FBXL2: variants seen among roughly 807,000 people sequenced by gnomAD.
FBXL2 encodes F-box and leucine rich repeat protein 2.
In FBXL2, 38 loss-of-function variants were observed where a neutral mutation model predicts 69.2. That is an observed-to-expected ratio of 0.55 (90% confidence interval 0.42 to 0.72). FBXL2 has a LOEUF of 0.72. Among genes scored for constraint, FBXL2 ranks in the 30% least tolerant of loss-of-function variants. The pLI, the probability that FBXL2 is intolerant of heterozygous loss-of-function variation, is 0.00. For synonymous variants in FBXL2, 192 were observed against 201.3 expected (o/e 0.95, Z 0.39); for missense variants, 354 against 520.3 (o/e 0.68, Z 3.11).
At chr3:33,344,670 G>A (rs66968157) in intron 2 of FBXL2, among the ~76,000 whole-genome samples, 39,512 of 151,934 alleles carry the variant, frequency 0.26, 5,810 homozygotes, top group East Asian at 0.46. Context: ...GCATCAATTG[G>A]AAGGAAATAA....
intron 1 of FBXL2, among the ~76,000 whole-genome samples, chr3:33,279,618 A>G (rs2033745626): frequency 6.6e-6 from 1 of 152,154 alleles, no homozygotes. Context: ...TTGAATCTAA[A>G]CAAAACTTTA....
chr3:33,374,959 G>A (rs1005114049), intron 9 of FBXL2, among the ~76,000 whole-genome samples: 4 of 152,048 alleles, frequency 2.6e-5, no homozygotes, highest in Non-Finnish European at 5.9e-5. Flanking sequence ...TAAATTATGA[G>A]TTTATAAATT....
At chr3:33,350,928 T>G (rs1179398226) in intron 2 of FBXL2, among the ~76,000 whole-genome samples, 2 of 152,074 alleles carry the variant, frequency 1.3e-5, no homozygotes, top group Non-Finnish European at 2.9e-5. Context: ...ATTGCCCATG[T>G]CATGAAACCC....
At chr3:33,303,178 G>C in intron 2 of FBXL2, 1 of 456,450 alleles carries the variant, frequency 2.2e-6, no homozygotes, top group South Asian at 1.5e-5. Flanking sequence ...GCTCTTTTGG[G>C]GGTACATGCT....
chr3:33,401,168 G>C (rs1222821688), intron 12 of FBXL2: 1 of 625,816 alleles, frequency 1.6e-6, no homozygotes, highest in East Asian at 3.2e-5. Flanking sequence ...AAATGCAAGC[G>C]CAACAGCTTA....
chr3:33,358,576 A>G (rs1559599930), intron 2 of FBXL2, among the ~76,000 whole-genome samples: 1 of 152,194 alleles, frequency 6.6e-6, no homozygotes, highest in South Asian at 2.1e-4. Flanking sequence ...GGGCTTTGTC[A>G]TCAAGCTTTT....
the FBXL2 span, among the ~76,000 whole-genome samples, chr3:33,412,387 G>A: frequency 6.6e-6 from 1 of 151,772 alleles, no homozygotes; most frequent in Non-Finnish European, 1.5e-5. Context: ...ATATATGTAT[G>A]TGTGTGCGTA....
downstream of FBXL2, among the ~76,000 whole-genome samples, chr3:33,404,014 G>C (rs1260790388): frequency 6.6e-6 from 1 of 152,110 alleles, no homozygotes; most frequent in Non-Finnish European, 1.5e-5. Flanking sequence ...GGGAGGCCAA[G>C]GCGGTAGCCC....
intron 2 of FBXL2, among the ~76,000 whole-genome samples, chr3:33,303,428 C>A (rs2036456110): frequency 6.6e-6 from 1 of 151,988 alleles, no homozygotes; most frequent in Non-Finnish European, 1.5e-5. Context: ...AGCAAATTTT[C>A]TTTAGTCTAG....
chr3:33,408,205 A>G (rs997162143), downstream of FBXL2, among the ~76,000 whole-genome samples: 1 of 152,202 alleles, frequency 6.6e-6, no homozygotes, highest in African/African-American at 2.4e-5. Context: ...AAAATGTAAC[A>G]AAGAACTGCA....
chr3:33,362,202 C>T (rs770499404), intron 4 of FBXL2, among the ~76,000 whole-genome samples: 12 of 152,128 alleles, frequency 7.9e-5, no homozygotes, highest in Non-Finnish European at 1.2e-4. Context: ...TTCCTGAATA[C>T]GTGTAGTTTA....
At chr3:33,342,186 T>C (rs1366172577) in intron 2 of FBXL2, among the ~76,000 whole-genome samples, 1 of 151,354 alleles carries the variant, frequency 6.6e-6, no homozygotes, top group East Asian at 2.0e-4. Flanking sequence ...TTGTATTTTT[T>C]AGTAGAGACG....
intron 12 of FBXL2, chr3:33,393,142 G>T: frequency 1.4e-6 from 1 of 718,786 alleles, no homozygotes; most frequent in Non-Finnish European, 2.1e-6. Context: ...ATTATCACTA[G>T]GATGCCTGAA....
At chr3:33,286,089 G>A (rs1315493290) in intron 1 of FBXL2, among the ~76,000 whole-genome samples, 2 of 152,184 alleles carry the variant, frequency 1.3e-5, no homozygotes, top group Non-Finnish European at 2.9e-5. Flanking sequence ...AAGGAGCTGT[G>A]TTCCTTTGGA....
At chr3:33,342,453 G>A (rs2040105019) in intron 2 of FBXL2, among the ~76,000 whole-genome samples, 1 of 151,212 alleles carries the variant, frequency 6.6e-6, no homozygotes, top group Non-Finnish European at 1.5e-5. Flanking sequence ...ACTCTCATAA[G>A]TCATTTTTAA....
chr3:33,328,025 A>G (rs886742702), intron 2 of FBXL2, among the ~76,000 whole-genome samples: 1 of 152,130 alleles, frequency 6.6e-6, no homozygotes, highest in Non-Finnish European at 1.5e-5. Flanking sequence ...AAGGCAGCAT[A>G]CAAAAGTCAG....
At chr3:33,312,904 T>C (rs1292680242) in intron 2 of FBXL2, among the ~76,000 whole-genome samples, 1 of 152,022 alleles carries the variant, frequency 6.6e-6, no homozygotes, top group Non-Finnish European at 1.5e-5. Context: ...GTGGATTGCC[T>C]GAGCTCAGGA....
At chr3:33,327,092 TTC>T (rs1414639674) in intron 2 of FBXL2, among the ~76,000 whole-genome samples, 3 of 152,200 alleles carry the variant, frequency 2.0e-5, no homozygotes, top group Non-Finnish European at 4.4e-5. Context: ...GTACCATATA[TTC>T]TGTCTAATGT....
chr3:33,346,042 C>T (rs1484769880), intron 2 of FBXL2, among the ~76,000 whole-genome samples: 1 of 151,938 alleles, frequency 6.6e-6, no homozygotes, highest in Non-Finnish European at 1.5e-5. Context: ...GCCTGGCCAA[C>T]ATGGTTGAAA....
Sources: gnomAD v4.1 joint callset for allele counts (sites outside exome capture counted in the v4.1 genomes callset) on GRCh38, gnomAD v4.1.1 for gene constraint, MANE v1.5 for transcripts, NCBI Gene and HGNC (gene_info 2026-07-23, HGNC 2026-07-21) for gene names.